COA1: variants seen among roughly 807,000 people sequenced by gnomAD.
COA1 encodes the protein cytochrome c oxidase assembly factor 1, also known as cytochrome c oxidase assembly factor 1 homolog.
In COA1, 13 loss-of-function variants were observed where a neutral mutation model predicts 16.0. The observed-to-expected ratio is 0.81, with a 90% CI of 0.53 to 1.29. The LOEUF (loss-of-function observed/expected upper bound fraction) is 1.29. Among genes scored for constraint, COA1 ranks in the 50% most tolerant of loss-of-function variants. The pLI is 0.00. For synonymous variants in COA1, 65 were observed against 65.7 expected, an observed-to-expected ratio of 0.99 and a Z score of 0.05; for missense variants, 179 against 177.0, an observed-to-expected ratio of 1.01 and a Z score of -0.06.
At chr7:43,610,237 C>T (rs1374067164) in intron 6 of COA1, among the ~76,000 whole-genome samples, 5 of 148,032 alleles carry the variant, frequency 3.4e-5, no homozygotes, top group South Asian at 2.1e-4. Context: ...GTCCCAGCTA[C>T]TTGGGAGGCT....
At chr7:43,706,730 C>T in intron 1 of COA1, among the ~76,000 whole-genome samples, 1 of 151,476 alleles carries the variant, frequency 6.6e-6, no homozygotes, top group East Asian at 1.9e-4. Context: ...ATTAGCTGGG[C>T]ATGGTGGTGC....
At chr7:43,656,694 CAAAAAACA>C (rs1270244650) in intron 1 of COA1, among the ~76,000 whole-genome samples, 1 of 151,408 alleles carries the variant, frequency 6.6e-6, no homozygotes, top group Non-Finnish European at 1.5e-5. Flanking sequence ...GATTCCATCT[CAAAAAACA>C]AAAAAACAAA....
At chr7:43,712,020 C>T (rs1162259131) in intron 1 of COA1, among the ~76,000 whole-genome samples, 1 of 152,156 alleles carries the variant, frequency 6.6e-6, no homozygotes, top group African/African-American at 2.4e-5. Context: ...CTGATCCCAT[C>T]CCCTTCCCTC....
rs2089420589 is a variant in COA1, at chr7:43,646,741, ACT to A, written c.115+792_115+793del. The A allele has an allele frequency of 1.8e-5, 7 of 394,014 alleles. No individual in the cohort carries two copies. The East Asian group carries it at 3.6e-4, about 20-fold the overall frequency. 24.4% of individuals were successfully genotyped at this position (394,014 alleles called of 1,614,324 possible). ...AACGCTCATCTCAGGCCCCCTCCAGACTCTGCAACTCCACCAACTCTGCAGGA... is the reference window on the plus strand; with the variant it reads ...AACGCTCATCTCAGGCCCCCTCCAGACTGCAACTCCACCAACTCTGCAGGA... On this transcript the variant is annotated intron_variant, in intron 3 of 5. Transcript: ENST00000223336.
intron 1 of COA1, among the ~76,000 whole-genome samples, chr7:43,685,218 T>C (rs1289428209): frequency 6.6e-6 from 1 of 151,218 alleles, no homozygotes; most frequent in Non-Finnish European, 1.5e-5. Flanking sequence ...CTCTCCACCA[T>C]GGTCATTTCC....
Position 43,648,788 on chromosome 7 carries a change from C to A in COA1, c.-38-136G>T, listed in dbSNP as rs750549356. On this transcript the variant is annotated intron_variant, in intron 1 of 5. Transcript: ENST00000223336. ...AGTTAAAATTAAACTCTAAAACAAG[C>A]CTTGTCTGTGAAAGGCCCTGGTTTT... 1.2e-5 allele frequency: 8 copies of A among 646,250 alleles called. No homozygotes were observed. In the East Asian group the frequency reaches 1.7e-4, roughly 13 times the overall value. 40.0% of individuals were successfully genotyped at this position (646,250 alleles called of 1,614,324 possible).
chr7:43,729,322 C>G (rs1170178048), intron 1 of COA1, 107 bp downstream of exon 1: 1 of 152,374 alleles, frequency 6.6e-6, no homozygotes, highest in Non-Finnish European at 1.5e-5. Context: ...TGAGGGAACT[C>G]TCCAAGAAGC....
At chr7:43,670,969 C>A (rs1298729602) in intron 1 of COA1, among the ~76,000 whole-genome samples, 1 of 151,870 alleles carries the variant, frequency 6.6e-6, no homozygotes, top group Non-Finnish European at 1.5e-5. Context: ...AGAAGTAAAC[C>A]CTTTTATCCA....
chr7:43,616,620 G>A (rs754903186), intron 6 of COA1, among the ~76,000 whole-genome samples: 8 of 152,284 alleles, frequency 5.3e-5, no homozygotes, highest in Admixed American at 1.3e-4. Flanking sequence ...CCGTCTGGCC[G>A]GGCGCGGTGG....
intron 1 of COA1, among the ~76,000 whole-genome samples, chr7:43,666,753 C>T (rs1361364337): frequency 6.6e-6 from 1 of 152,108 alleles, no homozygotes; most frequent in Non-Finnish European, 1.5e-5. Flanking sequence ...GCTGAAAAGT[C>T]AAACTTTTAT....
At chr7:43,708,875 C>T (rs2095104811) in intron 1 of COA1, among the ~76,000 whole-genome samples, 1 of 152,124 alleles carries the variant, frequency 6.6e-6, no homozygotes, top group African/African-American at 2.4e-5. Flanking sequence ...GCCTTTCACT[C>T]TCTTAAACAT....
At chr7:43,648,032 G>A (rs1356618157) in intron 2 of COA1, 3 of 206,618 alleles carry the variant, frequency 1.5e-5, no homozygotes, top group East Asian at 2.5e-4. Flanking sequence ...GCAATGGCTG[G>A]TCCTGTAAGC....
chr7:43,698,668 C>A (rs2094604215), intron 1 of COA1, among the ~76,000 whole-genome samples: 1 of 152,180 alleles, frequency 6.6e-6, no homozygotes, highest in African/African-American at 2.4e-5. Flanking sequence ...TTATGCTAAT[C>A]ATTTGTATAA....
intron 1 of COA1, among the ~76,000 whole-genome samples, chr7:43,720,030 G>A (rs2095475032): frequency 6.6e-6 from 1 of 152,286 alleles, no homozygotes; most frequent in East Asian, 1.9e-4. Context: ...TGTAATCCCA[G>A]CACTTTGGGA....
At chr7:43,668,040 C>T (rs745583992) in intron 1 of COA1, among the ~76,000 whole-genome samples, 37 of 152,138 alleles carry the variant, frequency 2.4e-4, no homozygotes, top group Non-Finnish European at 5.0e-4. Flanking sequence ...CGACAGGACA[C>T]AATTGGTAAA....
rs2082849542 is a variant in COA1, at chr7:43,611,246, T to C, written c.*134-1751A>G. The stretch of plus-strand genomic sequence containing the variant: ...AAATACTAGTTTCCTACAGAAAAAT[T>C]TACTCGTTTCCTACAGAAAAATACA... On this transcript the variant is annotated intron_variant and NMD_transcript_variant, in intron 6 of 6. Coordinates refer to the COA1 transcript ENST00000415076. Among the ~76,000 whole-genome samples, 3 of 152,192 alleles carry C rather than the reference T, an allele frequency of 2.0e-5. No individual in the cohort carries two copies. The South Asian group carries it at 6.2e-4, about 32-fold the overall frequency.
At chr7:43,635,333 TAAC>T (rs1332469717), downstream of COA1, among the ~76,000 whole-genome samples, 2 of 152,148 alleles carry the variant, frequency 1.3e-5, no homozygotes, top group Non-Finnish European at 2.9e-5. Context: ...TAGTCACTGT[TAAC>T]AGCAGGGTGC....
chr7:43,728,077 C>G (rs1213144089), intron 1 of COA1, among the ~76,000 whole-genome samples: 1 of 151,812 alleles, frequency 6.6e-6, no homozygotes, highest in Non-Finnish European at 1.5e-5. Flanking sequence ...CGGGTTCACA[C>G]CATCCTCCTG....
At chr7:43,644,535 T>C (rs1212800835) in intron 4 of COA1, among the ~76,000 whole-genome samples, 1 of 152,058 alleles carries the variant, frequency 6.6e-6, no homozygotes, top group Non-Finnish European at 1.5e-5. Context: ...TTCTCTTTTT[T>C]TTTTAATTTT....
Sources: allele counts gnomAD v4.1 joint callset (sites outside exome capture counted in the v4.1 genomes callset), GRCh38; gene constraint gnomAD v4.1.1; transcripts MANE v1.5; gene names NCBI Gene and HGNC (gene_info 2026-07-23, HGNC 2026-07-21).